Variants in HECTD4 observed in about 807,000 individuals in gnomAD.
HECTD4 encodes the protein HECT domain E3 ubiquitin protein ligase 4.
Under a neutral mutation model 471.5 loss-of-function variants are expected in HECTD4, and 114 were observed. The ratio of observed to expected loss-of-function variants is 0.24; its 90% CI spans 0.21 to 0.28. The LOEUF is 0.28. Among genes scored for constraint, HECTD4 ranks in the 10% least tolerant of loss-of-function variants. HECTD4 has a pLI of 1.00. For synonymous variants in HECTD4, 2,012 were observed against 2,256.0 expected (o/e 0.89, Z 3.07); for missense variants, 3,866 against 5,651.5 (o/e 0.68, Z 10.13).
intron 29 of HECTD4, 25 bp from the exon 30 acceptor site, chr12:112,244,034 C>T (rs73423230): frequency 0.018 from 29,790 of 1,611,754 alleles, 681 homozygotes; most frequent in African/African-American, 0.11. Flanking sequence ...AATAAAAAGG[C>T]TGACATTTCT....
intron 6 of HECTD4, among the ~76,000 whole-genome samples, chr12:112,306,666 A>G (rs552159990): frequency 6.6e-6 from 1 of 152,320 alleles, no homozygotes; most frequent in East Asian, 1.9e-4. Flanking sequence ...ATTCACCTCT[A>G]TATCTCCAGT....
chr12:112,222,967 G>A lies in HECTD4; in HGVS notation c.6971-3478C>T, dbSNP rs11066199. ...TTGGTGCATTCATGAGGCTGGGGAG[G>A]GGGATATTTTTAAAGAAGTAGCTGC... On this transcript the variant is annotated intron_variant, in intron 44 of 75. Transcript: ENST00000682272. Among the ~76,000 whole-genome samples, 8,426 of 152,248 alleles carry A rather than the reference G, an allele frequency of 0.055. 1,286 individuals carry two copies. The East Asian group carries it at 0.61, about 11-fold the overall frequency.
intron 53 of HECTD4, among the ~76,000 whole-genome samples, chr12:112,204,111 C>T (rs1305849211): frequency 2.0e-5 from 3 of 151,906 alleles, no homozygotes; most frequent in Non-Finnish European, 4.4e-5. Flanking sequence ...GGTGTGATCT[C>T]GGCTCACTGC....
At chr12:112,175,895 G>T in intron 65 of HECTD4, 36 bp from the exon 66 acceptor site, 1 of 1,610,628 alleles carries the variant, frequency 6.2e-7, no homozygotes, top group Non-Finnish European at 8.5e-7. Context: ...AATCTGGTGA[G>T]ACCTGCGCAC....
intron 64 of HECTD4, among the ~76,000 whole-genome samples, chr12:112,177,289 C>G (rs1409362731): frequency 6.6e-6 from 1 of 151,910 alleles, no homozygotes; most frequent in African/African-American, 2.4e-5. Context: ...AAGGTTTCAT[C>G]TCTGTGTACT....
chr12:112,167,995 G>T, intron 70 of HECTD4, 78 bp from the exon 71 acceptor site: 1 of 1,143,648 alleles, frequency 8.7e-7, no homozygotes, highest in Non-Finnish European at 1.3e-6. Flanking sequence ...CTCACCTGCT[G>T]GCTGGAGCGG....
chr12:112,320,825 A>G (rs535624696), intron 1 of HECTD4, among the ~76,000 whole-genome samples: 163 of 152,272 alleles, frequency 1.1e-3, no homozygotes, highest in Non-Finnish European at 1.4e-3. Context: ...TGGATTATTC[A>G]CGGTTCTTTG....
chr12:112,276,292 T>C (rs1242332222), intron 9 of HECTD4, among the ~76,000 whole-genome samples: 1 of 151,854 alleles, frequency 6.6e-6, no homozygotes, highest in Non-Finnish European at 1.5e-5. Context: ...TTTAATTAAA[T>C]GGGGTCAATT....
chr12:112,249,973 T>G, intron 25 of HECTD4, 171 bp downstream of exon 25: 1 of 612,696 alleles, frequency 1.6e-6, no homozygotes, highest in South Asian at 2.0e-5. Flanking sequence ...TGAGAGCCCC[T>G]AGTCTGGAAT....
intron 43 of HECTD4, among the ~76,000 whole-genome samples, chr12:112,227,731 C>T (rs1388760336): frequency 6.6e-6 from 1 of 151,956 alleles, no homozygotes; most frequent in African/African-American, 2.4e-5. Flanking sequence ...CTCTGCCTCC[C>T]GAGTTCAAGC....
Position 112,184,379 on chromosome 12 carries a change from C to G in HECTD4, c.10587G>C (p.Ala3529=). 1.2e-6 allele frequency: 2 copies of G among 1,610,516 alleles called. No individual in the cohort carries two copies. The highest frequency in any genetic ancestry group is 1.3e-5 in the African/African-American group (1 of 75,022). Residue 3529 remains alanine, a synonymous_variant, in exon 61 of 76, where the codon GCG becomes GCC. Coordinates refer to ENST00000682272, the MANE Select transcript of HECTD4 (RefSeq NM_001388303.1). This position sits in a 1 kb window ranked among gnomAD's most constrained non-coding sequence, Gnocchi z 9.1. ...TGTCCAGGCTTTCCTGGCTGGACACCGCGTGGGGCTCCAACAGGCCCGGAG... is the reference window on the plus strand; with the variant it reads ...TGTCCAGGCTTTCCTGGCTGGACACGGCGTGGGGCTCCAACAGGCCCGGAG... ...PIPPGLLEPH[A]VSSQESLDIS...
Position 112,283,286 on chromosome 12 carries a change from A to G in HECTD4, c.1352T>C (p.Phe451Ser). 6.2e-7 allele frequency: 1 copy of G among 1,612,362 alleles called. No homozygotes were observed. Among genetic ancestry groups the G allele is most frequent in the Non-Finnish European group, 8.5e-7 (1 of 1,179,102 alleles). The change falls in exon 8 of 76, where the codon TTT becomes TCT. Residue 451 changes from phenylalanine (F) to serine (S), a missense_variant. Transcript: ENST00000682272. The part of the protein sequence containing the change: ...IFELVVENGV[F>S]VANPLQERTI... ...ACGTTCCTGAAGTGGGTTGGCTACA[A>G]ATACACCATTTTCAACCTAACATAG...
intron 5 of HECTD4, among the ~76,000 whole-genome samples, chr12:112,309,266 A>G (rs1343699801): frequency 1.3e-5 from 2 of 152,228 alleles, no homozygotes. Context: ...ATTAACATGG[A>G]GAAGTCACTG....
intron 60 of HECTD4, among the ~76,000 whole-genome samples, chr12:112,189,173 T>G (rs1250507850): frequency 1.3e-5 from 2 of 152,148 alleles, no homozygotes; most frequent in East Asian, 3.8e-4. Flanking sequence ...CTAGGGTGTA[T>G]GAAAGCATTT....
chr12:112,176,051 G>A (rs527459963), intron 65 of HECTD4, among the ~76,000 whole-genome samples, 192 bp from the exon 66 acceptor site: 9 of 152,328 alleles, frequency 5.9e-5, no homozygotes, highest in Non-Finnish European at 1.2e-4. Context: ...AAGCCCTCAT[G>A]TGCCCAGGCC....
At chr12:112,165,349 A>ATT (rs35375585) in intron 72 of HECTD4, among the ~76,000 whole-genome samples, 30 of 128,480 alleles carry the variant, frequency 2.3e-4, no homozygotes, top group Admixed American at 6.4e-4. Flanking sequence ...AGAGCAACTA[A>ATT]TTTTTTTTTT....
At chr12:112,337,312 T>C (rs895554973) in intron 1 of HECTD4, among the ~76,000 whole-genome samples, 1 of 152,190 alleles carries the variant, frequency 6.6e-6, no homozygotes, top group Admixed American at 6.5e-5. Flanking sequence ...TCAAATGATA[T>C]ACTTGATGAG....
Position 112,198,304 on chromosome 12 carries a change from A to T in HECTD4, c.8567+2334T>A, listed in dbSNP as rs141228395. ...GAGTATTCACTGAGATCTGAATTACAGAACGAGACAGCCAGGGGGAGCTCT... is the reference window on the plus strand; with the variant it reads ...GAGTATTCACTGAGATCTGAATTACTGAACGAGACAGCCAGGGGGAGCTCT... On this transcript the variant is annotated intron_variant, in intron 55 of 75. Coordinates refer to ENST00000682272, the MANE Select transcript of HECTD4 (RefSeq NM_001388303.1). 1.9e-3 allele frequency among the ~76,000 whole-genome samples: 284 copies of T among 152,338 alleles called. 1 individual carries two copies. The highest frequency in any genetic ancestry group is 6.8e-3 in the Middle Eastern group (2 of 294).
At chr12:112,357,423 G>A (rs2036361065) in intron 1 of HECTD4, among the ~76,000 whole-genome samples, 1 of 152,166 alleles carries the variant, frequency 6.6e-6, no homozygotes, top group Non-Finnish European at 1.5e-5. Flanking sequence ...CTACTGGGTG[G>A]GGGGCTAAGG....
Sources: gnomAD v4.1 joint callset for allele counts (sites outside exome capture counted in the v4.1 genomes callset) on GRCh38, gnomAD v4.1.1 for gene constraint, Gnocchi (gnomAD v3.1) non-coding constraint, MANE v1.5 for transcripts, NCBI Gene and HGNC (gene_info 2026-07-23, HGNC 2026-07-21) for gene names.